Variants in FBN2 observed in about 807,000 individuals in gnomAD.
FBN2 encodes fibrillin 2, also known as fibrillin-2.
Under a neutral mutation model 355.6 loss-of-function variants are expected in FBN2, and 105 were observed. The observed-to-expected ratio is 0.30, with a 90% confidence interval of 0.25 to 0.35. FBN2 has a LOEUF of 0.35. Ranked by LOEUF, FBN2 falls within the 10% of genes least tolerant of loss-of-function variation. The pLI, the probability that FBN2 is intolerant of heterozygous loss-of-function variation, is 1.00. For missense variants in FBN2, 3,280 were observed against 3,758.7 expected (o/e 0.87, Z 3.33); for synonymous variants, 1,350 against 1,301.2 (o/e 1.04, Z -0.81).
At chr5:128,449,724 A>C (rs1347284294) in intron 6 of FBN2, among the ~76,000 whole-genome samples, 1 of 151,938 alleles carries the variant, frequency 6.6e-6, no homozygotes, top group Non-Finnish European at 1.5e-5. Flanking sequence ...ATGAGATGTC[A>C]GTGGTACGAA....
At chr5:128,350,486 G>C (rs976562461) in intron 21 of FBN2, among the ~76,000 whole-genome samples, 4 of 152,188 alleles carry the variant, frequency 2.6e-5, no homozygotes, top group Non-Finnish European at 5.9e-5. Flanking sequence ...GGGAGGTGGA[G>C]GTTGCAATGA....
At chr5:128,413,650 G>C (rs1355510159) in intron 7 of FBN2, among the ~76,000 whole-genome samples, 1 of 152,046 alleles carries the variant, frequency 6.6e-6, no homozygotes, top group African/African-American at 2.4e-5. Flanking sequence ...GTGATAACAT[G>C]ATCTCAGATA....
intron 5 of FBN2, among the ~76,000 whole-genome samples, chr5:128,502,613 TATC>T (rs1755848892): frequency 1.3e-5 from 2 of 152,102 alleles, no homozygotes; most frequent in Admixed American, 6.5e-5. Context: ...CAATAAAAGA[TATC>T]ATACTTACTC....
intron 7 of FBN2, among the ~76,000 whole-genome samples, chr5:128,418,178 T>C (rs1753254760): frequency 6.6e-6 from 1 of 152,154 alleles, no homozygotes; most frequent in African/African-American, 2.4e-5. Context: ...TGTCTCCCTT[T>C]TCATTTCTAA....
intron 34 of FBN2, among the ~76,000 whole-genome samples, chr5:128,326,069 G>A (rs773875731): frequency 1.3e-4 from 20 of 152,090 alleles, no homozygotes; most frequent in Non-Finnish European, 2.2e-4. Flanking sequence ...CTGATTTTGT[G>A]TTTTTCTTCC....
At chr5:128,468,010 C>G (rs1754759168) in intron 5 of FBN2, among the ~76,000 whole-genome samples, 1 of 152,096 alleles carries the variant, frequency 6.6e-6, no homozygotes. Context: ...GTGTAAAATT[C>G]AATGGTTTTT....
At chr5:128,515,431 T>C (rs1561493744) in intron 5 of FBN2, among the ~76,000 whole-genome samples, 2 of 152,214 alleles carry the variant, frequency 1.3e-5, no homozygotes, top group Middle Eastern at 3.4e-3. Flanking sequence ...AGCAGAATAA[T>C]GCAGAGTTCC....
chr5:128,386,669 C>T (rs1752374354), intron 11 of FBN2, among the ~76,000 whole-genome samples: 1 of 151,818 alleles, frequency 6.6e-6, no homozygotes, highest in Non-Finnish European at 1.5e-5. Context: ...AATGTTTTTC[C>T]ATTTGTTTGT....
intron 8 of FBN2, among the ~76,000 whole-genome samples, chr5:128,397,066 A>G (rs974267491): frequency 2.0e-5 from 3 of 152,112 alleles, no homozygotes; most frequent in Admixed American, 2.0e-4. Flanking sequence ...AACTCCTTCT[A>G]TTTCTCCCCA....
chr5:128,269,536 AG>A (rs770190995), intron 62 of FBN2, among the ~76,000 whole-genome samples: 1 of 152,010 alleles, frequency 6.6e-6, no homozygotes, highest in Non-Finnish European at 1.5e-5. Flanking sequence ...GCGAAGCCTC[AG>A]GATACAAAAT....
intron 23 of FBN2, among the ~76,000 whole-genome samples, chr5:128,347,599 G>C (rs780740090): frequency 6.6e-6 from 1 of 152,110 alleles, no homozygotes; most frequent in Non-Finnish European, 1.5e-5. Flanking sequence ...GGTTCTATCA[G>C]AGCATTTACC....
At chr5:128,293,346 G>C (rs1749386850) in intron 48 of FBN2, among the ~76,000 whole-genome samples, 1 of 152,106 alleles carries the variant, frequency 6.6e-6, no homozygotes, top group African/African-American at 2.4e-5. Flanking sequence ...ACAAAAATTA[G>C]CCAGGCGTGG....
intron 23 of FBN2, among the ~76,000 whole-genome samples, chr5:128,348,814 A>G (rs1309493688): frequency 6.6e-6 from 1 of 152,202 alleles, no homozygotes; most frequent in Admixed American, 6.5e-5. Context: ...CACTATTCCT[A>G]TAATATGCTG....
chr5:128,399,861 C>T lies in FBN2; in HGVS notation c.1079-4587G>A, dbSNP rs6868755. 2.6e-3 allele frequency among the ~76,000 whole-genome samples: 391 copies of T among 151,478 alleles called. 1 individual carries two copies. The highest frequency in any genetic ancestry group is 9.1e-3 in the African/African-American group (376 of 41,332). The stretch of plus-strand genomic sequence containing the variant: ...GAGAATCGAGTTCACGGCAGCAGGT[C>T]GGGGGGATCCTGAACAAATCTAAAA... On this transcript the variant is annotated intron_variant, in intron 8 of 64. Transcript: ENST00000262464.
rs1749272429 is a variant in FBN2, at chr5:128,289,871, T to C, written c.6511+11A>G. On this transcript the variant is annotated intron_variant, in intron 51 of 64. Coordinates refer to ENST00000262464, the MANE Select transcript of FBN2 (RefSeq NM_001999.4). ...AATAAGAATATAGGAATAAAATATA[T>C]CAAAGCGTACCTTCACGTGTATCAT... 1.3e-6 allele frequency: 2 copies of C among 1,516,778 alleles called. No individual in the cohort carries two copies. Among genetic ancestry groups the C allele is most frequent in the East Asian group, 4.5e-5 (2 of 44,284 alleles). The allele number at this position is 1,516,778 out of a possible 1,614,324, so 94.0% of individuals were successfully genotyped here.
At chr5:128,516,653 G>A (rs1391726749) in intron 5 of FBN2, among the ~76,000 whole-genome samples, 1 of 152,004 alleles carries the variant, frequency 6.6e-6, no homozygotes, top group Non-Finnish European at 1.5e-5. Context: ...AAATATCTCT[G>A]ATTTTACAAA....
chr5:128,383,001 C>T (rs1021590060), intron 11 of FBN2, among the ~76,000 whole-genome samples: 1 of 152,016 alleles, frequency 6.6e-6, no homozygotes, highest in African/African-American at 2.4e-5. Flanking sequence ...TCATGGTTTT[C>T]AAGAAACTTG....
chr5:128,297,901 C>T (rs542593585), intron 48 of FBN2, among the ~76,000 whole-genome samples: 1 of 151,044 alleles, frequency 6.6e-6, no homozygotes, highest in Non-Finnish European at 1.5e-5. Context: ...GGTTATTTTG[C>T]TCGTTAGTTG....
At chr5:128,476,063 T>C (rs1755000231) in intron 5 of FBN2, among the ~76,000 whole-genome samples, 1 of 152,116 alleles carries the variant, frequency 6.6e-6, no homozygotes, top group East Asian at 1.9e-4. Flanking sequence ...ATTTAGACAT[T>C]ACGCAAAAGT....
Sources: gnomAD v4.1 joint callset for allele counts (sites outside exome capture counted in the v4.1 genomes callset) on GRCh38, gnomAD v4.1.1 for gene constraint, MANE v1.5 for transcripts, NCBI Gene and HGNC (gene_info 2026-07-23, HGNC 2026-07-21) for gene names.